Variants in ANAPC10 observed in about 807,000 individuals in gnomAD.
The protein encoded by ANAPC10 is anaphase promoting complex subunit 10, also known as anaphase-promoting complex subunit 10.
A neutral mutation model predicts 22.0 loss-of-function variants in ANAPC10; 12 were observed. That is an observed-to-expected ratio of 0.55 (90% CI 0.35 to 0.88). ANAPC10 has a LOEUF of 0.88. ANAPC10 is among the 40% of genes least tolerant of loss of function. The pLI is 0.01. For synonymous variants in ANAPC10, 65 were observed against 69.5 expected (o/e 0.94, Z 0.32); for missense variants, 188 against 220.9 (o/e 0.85, Z 0.94).
intron 3 of ANAPC10, among the ~76,000 whole-genome samples, chr4:145,069,456 G>C (rs1416318691): frequency 6.6e-6 from 1 of 152,164 alleles, no homozygotes; most frequent in Non-Finnish European, 1.5e-5. Context: ...ACAAGCACTG[G>C]GGAAAGAACA....
chr4:145,084,133 G>C (rs945139508), intron 2 of ANAPC10, among the ~76,000 whole-genome samples: 3 of 152,132 alleles, frequency 2.0e-5, no homozygotes, highest in Non-Finnish European at 2.9e-5. Flanking sequence ...ACCACATTCA[G>C]TCACTATTAT....
chr4:145,054,652 CGCGT>C (rs1192178315), intron 4 of ANAPC10, among the ~76,000 whole-genome samples: 33 of 143,824 alleles, frequency 2.3e-4, no homozygotes, highest in Admixed American at 5.5e-4. Flanking sequence ...CGCGCGCGCG[CGCGT>C]GCGTGCAGCG....
chr4:145,001,305 A>T (rs75360401), intron 4 of ANAPC10, among the ~76,000 whole-genome samples: 218 of 152,206 alleles, frequency 1.4e-3, no homozygotes, highest in African/African-American at 5.0e-3. Flanking sequence ...TAATTCTGAC[A>T]TGTGCTACAA....
intron 1 of ANAPC10, 44 bp from the exon 2 acceptor site, chr4:145,096,155 C>T: frequency 1.9e-6 from 3 of 1,577,598 alleles, no homozygotes; most frequent in Non-Finnish European, 2.6e-6. Flanking sequence ...AGGAACTGGG[C>T]ATCTTTCTAC....
intron 3 of ANAPC10, among the ~76,000 whole-genome samples, chr4:145,078,441 T>A (rs913417727): frequency 2.0e-5 from 3 of 151,474 alleles, no homozygotes; most frequent in Non-Finnish European, 4.4e-5. Context: ...TAAAAAAAAA[T>A]GGTCATAACT....
chr4:145,096,934 A>T (rs867251014), intron 1 of ANAPC10, among the ~76,000 whole-genome samples: 21 of 151,962 alleles, frequency 1.4e-4, no homozygotes, highest in Middle Eastern at 3.2e-3. Flanking sequence ...TTTAAGACCC[A>T]GCCCGGTGGC....
At chr4:145,081,813 T>C in intron 2 of ANAPC10, 63 bp from the exon 3 acceptor site, 1 of 1,107,026 alleles carries the variant, frequency 9.0e-7, no homozygotes, top group Non-Finnish European at 1.4e-6. Context: ...ATGCAAAACA[T>C]AAAATTAACA....
intron 3 of ANAPC10, among the ~76,000 whole-genome samples, chr4:145,067,874 T>C (rs1481415023): frequency 6.6e-6 from 1 of 152,204 alleles, no homozygotes; most frequent in Non-Finnish European, 1.5e-5. Flanking sequence ...GACTAAGTTA[T>C]GGCCAGTAAG....
intron 4 of ANAPC10, among the ~76,000 whole-genome samples, chr4:145,046,511 T>C (rs1740318087): frequency 1.3e-5 from 2 of 152,234 alleles, no homozygotes; most frequent in South Asian, 4.1e-4. Context: ...AGAAAATATC[T>C]AATATTTTGA....
chr4:145,075,161 A>G (rs1169485330), intron 3 of ANAPC10, among the ~76,000 whole-genome samples: 1 of 152,136 alleles, frequency 6.6e-6, no homozygotes, highest in African/African-American at 2.4e-5. Flanking sequence ...AAATCATACT[A>G]GCTTTTTTAG....
intron 4 of ANAPC10, among the ~76,000 whole-genome samples, chr4:145,036,304 T>C (rs565794516): frequency 7.7e-4 from 118 of 152,360 alleles, no homozygotes; most frequent in African/African-American, 2.7e-3. Flanking sequence ...AGATCACAGC[T>C]TTAAATATAG....
chr4:145,081,640 T>C lies in ANAPC10; in HGVS notation c.206+20A>G, dbSNP rs1414126166. 6.5e-7 allele frequency: 1 copy of C among 1,546,848 alleles called. No homozygotes were observed. Among genetic ancestry groups the C allele is most frequent in the African/African-American group, 1.4e-5 (1 of 73,386 alleles). ...TCTATAACCTACAGTAGATGAAAAA[T>C]TTGAAAATGTATTAATTACCTGAAT... On this transcript the variant is annotated intron_variant, in intron 3 of 4. Coordinates refer to ENST00000507656, the MANE Select transcript of ANAPC10 (RefSeq NM_001256706.2).
At chr4:145,015,466 A>C (rs1734970143) in intron 4 of ANAPC10, among the ~76,000 whole-genome samples, 1 of 152,090 alleles carries the variant, frequency 6.6e-6, no homozygotes, top group Non-Finnish European at 1.5e-5. Flanking sequence ...CTTAAGAATA[A>C]TCGGTGTTCC....
intron 3 of ANAPC10, among the ~76,000 whole-genome samples, chr4:145,080,131 A>C (rs1173243690): frequency 1.3e-5 from 2 of 150,528 alleles, no homozygotes; most frequent in African/African-American, 4.9e-5. Context: ...AAAAAAAAAA[A>C]AAAAAAACAC....
intron 4 of ANAPC10, among the ~76,000 whole-genome samples, chr4:145,062,755 T>C (rs1252923717): frequency 3.3e-5 from 5 of 152,160 alleles, no homozygotes; most frequent in South Asian, 2.1e-4. Flanking sequence ...AGCTAAGATA[T>C]AGAATCAACC....
At chr4:145,011,079 C>A (rs1578896772) in intron 4 of ANAPC10, among the ~76,000 whole-genome samples, 1 of 151,954 alleles carries the variant, frequency 6.6e-6, no homozygotes, top group Admixed American at 6.6e-5. Context: ...CGTCTGTAAT[C>A]CCAGCACTTT....
intron 3 of ANAPC10, among the ~76,000 whole-genome samples, chr4:145,076,188 C>T (rs539063598): frequency 2.6e-5 from 4 of 152,338 alleles, no homozygotes; most frequent in South Asian, 2.1e-4. Flanking sequence ...GACTGCACCC[C>T]TCATTGGAGT....
At chr4:145,039,375 GAT>G (rs1259584823) in intron 4 of ANAPC10, among the ~76,000 whole-genome samples, 8 of 152,186 alleles carry the variant, frequency 5.3e-5, no homozygotes, top group Admixed American at 2.6e-4. Context: ...TTCTGAAAGA[GAT>G]TGGGAAGAAA....
chr4:145,075,435 A>G (rs1223044052), intron 3 of ANAPC10, among the ~76,000 whole-genome samples: 2 of 152,084 alleles, frequency 1.3e-5, no homozygotes, highest in Non-Finnish European at 2.9e-5. Context: ...GGTTGATCAG[A>G]GCCAAGATGG....
Sources: allele counts gnomAD v4.1 joint callset (sites outside exome capture counted in the v4.1 genomes callset), GRCh38; gene constraint gnomAD v4.1.1; transcripts MANE v1.5; gene names NCBI Gene and HGNC (gene_info 2026-07-23, HGNC 2026-07-21).